Variants in BORCS5 observed in about 807,000 individuals in gnomAD.
BORCS5 encodes BLOC-1-related complex subunit 5.
BORCS5 carries 17 observed loss-of-function variants against 22.1 expected under a neutral mutation model. The observed-to-expected ratio is 0.77, with a 90% CI of 0.53 to 1.15. The LOEUF (loss-of-function observed/expected upper bound fraction) is 1.15, where lower values mean the gene tolerates loss of function less well. Ranked by LOEUF, BORCS5 falls within the 50% of genes most tolerant of loss-of-function variation. BORCS5 has a pLI of 0.00. For missense variants in BORCS5, 247 were observed against 253.2 expected (o/e 0.98, Z 0.17); for synonymous variants, 117 against 99.8 (o/e 1.17, Z -1.03).
At chr12:12,359,636 A>G (rs928679575) in intron 1 of BORCS5, among the ~76,000 whole-genome samples, 2 of 151,216 alleles carry the variant, frequency 1.3e-5, no homozygotes, top group Non-Finnish European at 2.9e-5. Context: ...TGCTGGGATT[A>G]CAGGCGTGAG....
At chr12:12,433,206 A>G (rs1795374445) in intron 2 of BORCS5, among the ~76,000 whole-genome samples, 1 of 151,286 alleles carries the variant, frequency 6.6e-6, no homozygotes. Flanking sequence ...ATGGTGGCAC[A>G]TGCCTGTAAT....
intron 2 of BORCS5, among the ~76,000 whole-genome samples, chr12:12,414,993 G>C (rs151241367): frequency 0.48 from 46,783 of 97,268 alleles, 15,533 homozygotes; most frequent in African/African-American, 0.73. Context: ...GATGGGATGG[G>C]GGTGGGGAAG....
intron 2 of BORCS5, among the ~76,000 whole-genome samples, chr12:12,381,033 A>T (rs1259344372): frequency 1.6e-5 from 2 of 128,694 alleles, no homozygotes; most frequent in Non-Finnish European, 3.1e-5. Flanking sequence ...TTTTTTTGAG[A>T]CCGAGTCTCA....
intron 2 of BORCS5, among the ~76,000 whole-genome samples, chr12:12,363,062 G>A (rs11054849): frequency 0.12 from 18,346 of 151,984 alleles, 1,135 homozygotes; most frequent in East Asian, 0.17. Context: ...TTGGGTGGCT[G>A]AGGCAGGAGG....
chr12:12,400,326 A>G (rs1356072427), intron 2 of BORCS5, among the ~76,000 whole-genome samples: 1 of 152,180 alleles, frequency 6.6e-6, no homozygotes, highest in East Asian at 1.9e-4. Context: ...ACTCTTAGCA[A>G]GAGTTGAAAT....
intron 2 of BORCS5, among the ~76,000 whole-genome samples, chr12:12,415,575 G>A (rs1402854148): frequency 9.8e-6 from 1 of 102,494 alleles, no homozygotes; most frequent in Non-Finnish European, 2.1e-5. Flanking sequence ...GGGGGAGGGG[G>A]AGGGGCGATT....
At chr12:12,445,529 CTTT>C (rs56356376) in intron 3 of BORCS5, among the ~76,000 whole-genome samples, 164 of 38,968 alleles carry the variant, frequency 4.2e-3, no homozygotes, top group African/African-American at 0.02. Context: ...TTTGAAATAC[CTTT>C]TTTTTTTTTT....
chr12:12,414,364 G>T (rs1226203018), intron 2 of BORCS5, among the ~76,000 whole-genome samples: 6 of 110,688 alleles, frequency 5.4e-5, no homozygotes, highest in African/African-American at 1.8e-4. Flanking sequence ...CCCGGACGGG[G>T]TGGCTGGTCA....
intron 2 of BORCS5, among the ~76,000 whole-genome samples, chr12:12,386,218 C>G (rs1863876416): frequency 6.6e-6 from 1 of 150,804 alleles, no homozygotes; most frequent in Non-Finnish European, 1.5e-5. Flanking sequence ...CTAGGCTGGT[C>G]ATGGACTCCT....
chr12:12,365,438 C>T (rs932984793), intron 2 of BORCS5, among the ~76,000 whole-genome samples: 1 of 151,958 alleles, frequency 6.6e-6, no homozygotes, highest in Non-Finnish European at 1.5e-5. Context: ...CCTTAGCCTC[C>T]CAAAGTGCTG....
chr12:12,362,108 A>G (rs1863299533), intron 2 of BORCS5, among the ~76,000 whole-genome samples: 1 of 152,240 alleles, frequency 6.6e-6, no homozygotes, highest in African/African-American at 2.4e-5. Context: ...AGTGTAAAAC[A>G]TCTTACATTT....
intron 2 of BORCS5, among the ~76,000 whole-genome samples, chr12:12,387,817 T>A (rs1863915271): frequency 6.6e-6 from 1 of 151,482 alleles, no homozygotes; most frequent in Admixed American, 6.6e-5. Context: ...CTCACATTCA[T>A]CCACAGTTCA....
intron 3 of BORCS5, among the ~76,000 whole-genome samples, chr12:12,451,809 T>C (rs895202007): frequency 2.0e-5 from 3 of 151,704 alleles, no homozygotes; most frequent in African/African-American, 7.3e-5. Context: ...TCCCAGCTAC[T>C]CAGGAGGCTG....
intron 2 of BORCS5, among the ~76,000 whole-genome samples, chr12:12,386,039 C>T (rs147499050): frequency 0.02 from 2,951 of 149,562 alleles, 126 homozygotes; most frequent in Non-Finnish European, 0.024. Flanking sequence ...CTCACTCTGT[C>T]GCCCAGGTTG....
In BORCS5 at chr12:12,357,337, C is replaced by G; in HGVS notation, c.-115C>G. On this transcript the variant is annotated 5_prime_UTR_variant, in exon 1 of 4. Coordinates refer to ENST00000314565, the MANE Select transcript of BORCS5 (RefSeq NM_058169.6). ...GCCCCACACATTAGCCTCGCTGCGG[C>G]GCCCAGACTCTGCTTTGCCTCCCCG... 6.7e-7 allele frequency: 1 copy of G among 1,482,100 alleles called. No individual in the cohort carries two copies. The highest frequency in any genetic ancestry group is 1.3e-5 in the South Asian group (1 of 75,334). 91.8% of individuals were successfully genotyped at this position (1,482,100 alleles called of 1,614,324 possible).
intron 2 of BORCS5, among the ~76,000 whole-genome samples, chr12:12,375,012 C>CTTTTCT (rs1046885879): frequency 1.1e-4 from 17 of 149,390 alleles, no homozygotes; most frequent in African/African-American, 4.1e-4. Flanking sequence ...CTTTTCTTTT[C>CTTTTCT]TTTTCTTTTT....
In BORCS5 at chr12:12,357,249, G is replaced by T. The variant is rs1464541171; in HGVS notation, c.-203G>T. The T allele has an allele frequency of 4.1e-6, 6 of 1,470,502 alleles. No homozygotes were observed. The highest frequency in any genetic ancestry group is 5.4e-6 in the Non-Finnish European group (6 of 1,113,766). The allele number at this position is 1,470,502 out of a possible 1,614,324, so 91.1% of individuals were successfully genotyped here. A position where few individuals can be genotyped will look rare whatever the true frequency, so the allele number is the denominator to read the frequency against. On this transcript the variant is annotated 5_prime_UTR_variant, in exon 1 of 4. Transcript: ENST00000314565. ...TCGCGCCGCGCCTCCTTGCGTTTCTGTTCCCCAAATAGGGCCTCTCCTTCT... is the reference window on the plus strand; with the variant it reads ...TCGCGCCGCGCCTCCTTGCGTTTCTTTTCCCCAAATAGGGCCTCTCCTTCT...
intron 2 of BORCS5, among the ~76,000 whole-genome samples, chr12:12,402,512 A>G (rs1658041964): frequency 1.3e-5 from 2 of 152,182 alleles, no homozygotes; most frequent in Admixed American, 6.6e-5. Context: ...GTTTTATCCA[A>G]TATTCTGCTT....
rs1943220715 is a variant in BORCS5 at position 12,467,371 on chromosome 12, C to G, written c.*1595C>G. Reference sequence around the variant, plus strand: ...ACACATGAAAGCACAGAGTGGGTGGCAGTTCAAGCCTGCGAGGGCCGAGCC... The same window carrying G: ...ACACATGAAAGCACAGAGTGGGTGGGAGTTCAAGCCTGCGAGGGCCGAGCC... On this transcript the variant is annotated 3_prime_UTR_variant, in exon 4 of 4. Transcript: ENST00000314565. The G allele has an allele frequency of 6.6e-6, 1 of 152,230 alleles. No individual in the cohort carries two copies. The highest frequency in any genetic ancestry group is 1.5e-5 in the Non-Finnish European group (1 of 68,056). 9.4% of individuals were successfully genotyped at this position (152,230 alleles called of 1,614,324 possible). A position where few individuals can be genotyped will look rare whatever the true frequency, so the allele number is the denominator to read the frequency against.
Sources: allele counts gnomAD v4.1 joint callset (sites outside exome capture counted in the v4.1 genomes callset), GRCh38; gene constraint gnomAD v4.1.1; transcripts MANE v1.5; gene names NCBI Gene and HGNC (gene_info 2026-07-23, HGNC 2026-07-21).